The following TMPRSS11E variants were observed in gnomAD, a reference collection of about 807,000 sequenced individuals.
TMPRSS11E encodes the protein transmembrane protease serine 11E.
Under a neutral mutation model 48.1 loss-of-function variants are expected in TMPRSS11E, and 38 were observed. The ratio of observed to expected loss-of-function variants is 0.79; its 90% CI spans 0.61 to 1.04. The LOEUF (loss-of-function observed/expected upper bound fraction) is 1.04. Ranked by LOEUF, TMPRSS11E falls within the 50% of genes least tolerant of loss-of-function variation. TMPRSS11E has a pLI of 0.00. For synonymous variants in TMPRSS11E, 158 were observed against 171.9 expected, an observed-to-expected ratio of 0.92 and a Z score of 0.63; for missense variants, 530 against 510.8, an observed-to-expected ratio of 1.04 and a Z score of -0.36.
intron 5 of TMPRSS11E, among the ~76,000 whole-genome samples, chr4:68,472,784 A>G (rs532879385): frequency 6.6e-6 from 1 of 152,186 alleles, no homozygotes; most frequent in African/African-American, 2.4e-5. Context: ...AAGCAAGAAA[A>G]AAGTGCTGTT....
chr4:68,473,849 T>C (rs1163942113), intron 5 of TMPRSS11E, among the ~76,000 whole-genome samples: 1 of 152,152 alleles, frequency 6.6e-6, no homozygotes, highest in Non-Finnish European at 1.5e-5. Context: ...TTGTAAATTC[T>C]TCCTTATTTT....
At chr4:68,467,987 T>C (rs1462952629) in intron 3 of TMPRSS11E, among the ~76,000 whole-genome samples, 7 of 152,128 alleles carry the variant, frequency 4.6e-5, no homozygotes, top group South Asian at 2.1e-4. Flanking sequence ...AAATTAATAA[T>C]AGTTTTGAAG....
chr4:68,466,382 C>T (rs1022395501), intron 2 of TMPRSS11E, among the ~76,000 whole-genome samples: 9 of 152,134 alleles, frequency 5.9e-5, no homozygotes, highest in African/African-American at 1.9e-4. Flanking sequence ...TTCCAATGAG[C>T]TACTTGTACA....
At chr4:68,448,531 AG>A (rs1728405389) in intron 1 of TMPRSS11E, among the ~76,000 whole-genome samples, 1 of 151,956 alleles carries the variant, frequency 6.6e-6, no homozygotes, top group African/African-American at 2.4e-5. Flanking sequence ...CAGTGCTTCA[AG>A]AAAGCTTCCA....
rs377258215 is a variant in TMPRSS11E at position 68,477,413 on chromosome 4, T to C, written c.752T>C (p.Ile251Thr). The C allele has an allele frequency of 2.5e-6, 4 of 1,613,908 alleles. No individual in the cohort carries two copies. The highest frequency in any genetic ancestry group is 3.4e-6 in the Non-Finnish European group (4 of 1,179,950). The change falls in exon 8 of 10, where the codon ATA becomes ACA. Residue 251 changes from isoleucine to threonine, a missense_variant. Coordinates refer to ENST00000305363, the MANE Select transcript of TMPRSS11E (RefSeq NM_014058.4). Reference protein sequence around the residue: ...ARWTASFGVTIKPSKMKRGLR... With the variant: ...ARWTASFGVTTKPSKMKRGLR... ...TGGACTGCTTCCTTTGGAGTAACAA[T>C]AAAACCTTCGAAAATGAAACGGGGT... is the stretch of plus-strand genomic sequence containing the variant.
chr4:68,448,497 T>TC (rs1195718791), intron 1 of TMPRSS11E, among the ~76,000 whole-genome samples: 1 of 151,940 alleles, frequency 6.6e-6, no homozygotes, highest in Non-Finnish European at 1.5e-5. Flanking sequence ...ATTCTCTTTT[T>TC]CTCATTGACT....
intron 9 of TMPRSS11E, among the ~76,000 whole-genome samples, chr4:68,492,270 C>A (rs997062761): frequency 6.6e-6 from 1 of 152,162 alleles, no homozygotes; most frequent in African/African-American, 2.4e-5. Context: ...TTCACCTACT[C>A]ACTAAAATTT....
intron 5 of TMPRSS11E, among the ~76,000 whole-genome samples, chr4:68,474,158 C>G (rs879367952): frequency 4.6e-5 from 7 of 152,046 alleles, no homozygotes; most frequent in Non-Finnish European, 8.8e-5. Context: ...TTGGCTGGAG[C>G]TAAATGACAA....
At chr4:68,462,968 A>G (rs1728833890) in intron 2 of TMPRSS11E, among the ~76,000 whole-genome samples, 1 of 152,088 alleles carries the variant, frequency 6.6e-6, no homozygotes, top group Non-Finnish European at 1.5e-5. Context: ...TAATTACTTG[A>G]CTCAACCATG....
chr4:68,457,805 C>T (rs1173875734), intron 1 of TMPRSS11E, among the ~76,000 whole-genome samples: 1 of 124,354 alleles, frequency 8.0e-6, no homozygotes, highest in African/African-American at 2.7e-5. Context: ...AGCCGGAAAC[C>T]ATCATTCTCA....
rs190524956 is a variant in TMPRSS11E at position 68,493,269 on chromosome 4, C to A, written c.1111-3374C>A. Among the ~76,000 whole-genome samples, 776 of 152,250 alleles carry A rather than the reference C, an allele frequency of 5.1e-3. 26 individuals are homozygous for A. Among genetic ancestry groups the A allele is most frequent in the Admixed American group, 0.04 (608 of 15,280 alleles). On this transcript the variant is annotated intron_variant, in intron 9 of 9. Coordinates refer to ENST00000305363, the MANE Select transcript of TMPRSS11E (RefSeq NM_014058.4). ...AAAATCCCCTCATCCCCTTTCCCTA[C>A]CAAAATATCAAATCTATTTTGAAGT... is the stretch of plus-strand genomic sequence containing the variant.
At chr4:68,463,213 A>T (rs768883850) in intron 2 of TMPRSS11E, among the ~76,000 whole-genome samples, 1 of 152,222 alleles carries the variant, frequency 6.6e-6, no homozygotes, top group Non-Finnish European at 1.5e-5. Context: ...AAAAATATTT[A>T]AAACAAAGAT....
At chr4:68,477,133 G>A (rs985770797) in intron 7 of TMPRSS11E, among the ~76,000 whole-genome samples, 8 of 152,044 alleles carry the variant, frequency 5.3e-5, no homozygotes, top group Non-Finnish European at 4.4e-5. Context: ...AAATCAAAAA[G>A]CCTTAGCATT....
At chr4:68,471,433 T>C (rs755260973) in intron 4 of TMPRSS11E, 27 bp from the exon 5 acceptor site, 151 of 1,292,696 alleles carry the variant, frequency 1.2e-4, no homozygotes, top group Non-Finnish European at 1.5e-4. Context: ...TTTTCTTTCT[T>C]TCATTTTCTT....
chr4:68,485,618 G>A (rs13137188), intron 9 of TMPRSS11E, among the ~76,000 whole-genome samples: 49,651 of 151,920 alleles, frequency 0.33, 8,859 homozygotes, highest in East Asian at 0.77. Flanking sequence ...TTCTCTTTTT[G>A]TTGTGTCTCT....
intron 2 of TMPRSS11E, among the ~76,000 whole-genome samples, chr4:68,465,105 G>A (rs565913781): frequency 6.6e-6 from 1 of 152,296 alleles, no homozygotes; most frequent in African/African-American, 2.4e-5. Context: ...CTTACTTGAA[G>A]TTATGTATAT....
intron 1 of TMPRSS11E, among the ~76,000 whole-genome samples, chr4:68,459,824 T>TC (rs1428998396): frequency 6.6e-6 from 1 of 152,190 alleles, no homozygotes; most frequent in Admixed American, 6.6e-5. Context: ...CTCCCTGTAT[T>TC]CCCCCCAAAG....
At chr4:68,488,829 C>T (rs1301694843) in intron 9 of TMPRSS11E, among the ~76,000 whole-genome samples, 2 of 152,174 alleles carry the variant, frequency 1.3e-5, no homozygotes, top group African/African-American at 4.8e-5. Context: ...CGTGAGCCAC[C>T]GCGCCCGACC....
chr4:68,465,795 T>C (rs1349513622), intron 2 of TMPRSS11E, among the ~76,000 whole-genome samples: 4 of 152,184 alleles, frequency 2.6e-5, no homozygotes, highest in Non-Finnish European at 5.9e-5. Context: ...TTCTAATGGT[T>C]GACACAGTGT....
Sources: allele counts gnomAD v4.1 joint callset (sites outside exome capture counted in the v4.1 genomes callset), GRCh38; gene constraint gnomAD v4.1.1; transcripts MANE v1.5; gene names NCBI Gene and HGNC (gene_info 2026-07-23, HGNC 2026-07-21).